MARCHF4: variants seen among roughly 807,000 people sequenced by gnomAD.
MARCHF4 encodes the protein membrane associated ring-CH-type finger 4.
A neutral mutation model predicts 43.9 loss-of-function variants in MARCHF4; 14 were observed. The observed-to-expected ratio is 0.32, with a 90% CI of 0.21 to 0.50. The LOEUF is 0.50. MARCHF4 is among the 20% of genes least tolerant of loss of function. The pLI, the probability that MARCHF4 is intolerant of heterozygous loss-of-function variation, is 0.98. For missense variants in MARCHF4, 468 were observed against 536.7 expected, an observed-to-expected ratio of 0.87 and a Z score of 1.27; for synonymous variants, 226 against 213.3, an observed-to-expected ratio of 1.06 and a Z score of -0.52.
chr2:216,283,449 AC>A, intron 2 of MARCHF4, 124 bp downstream of exon 2: 1 of 1,230,694 alleles, frequency 8.1e-7, no homozygotes, highest in Non-Finnish European at 1.1e-6. Flanking sequence ...GTGCTTGCCC[AC>A]CCAGCCCATC....
chr2:216,273,604 C>T (rs772344107), intron 3 of MARCHF4, among the ~76,000 whole-genome samples: 4 of 152,212 alleles, frequency 2.6e-5, no homozygotes, highest in Admixed American at 1.3e-4. Context: ...CTTCCTCTTC[C>T]CATTCACATT....
intron 1 of MARCHF4, among the ~76,000 whole-genome samples, chr2:216,342,349 G>C (rs1292851623): frequency 6.6e-6 from 1 of 152,146 alleles, no homozygotes; most frequent in Non-Finnish European, 1.5e-5. Context: ...GAGCCAACAG[G>C]AGAACTCATC....
chr2:216,361,486 C>T (rs1052814757), intron 1 of MARCHF4, among the ~76,000 whole-genome samples: 8 of 152,132 alleles, frequency 5.3e-5, no homozygotes, highest in African/African-American at 1.9e-4. Flanking sequence ...GCATGGTCTG[C>T]CCCTGACCTC....
intron 1 of MARCHF4, among the ~76,000 whole-genome samples, chr2:216,339,412 C>T (rs996466798): frequency 2.6e-5 from 4 of 152,248 alleles, no homozygotes; most frequent in Admixed American, 2.0e-4. Flanking sequence ...CAGGCTCCCA[C>T]TGCCTTGGCA....
intron 1 of MARCHF4, among the ~76,000 whole-genome samples, chr2:216,298,878 G>A (rs1039293634): frequency 6.6e-6 from 1 of 152,238 alleles, no homozygotes; most frequent in African/African-American, 2.4e-5. Flanking sequence ...AGACAGTCCT[G>A]GAATGGAATT....
intron 1 of MARCHF4, among the ~76,000 whole-genome samples, chr2:216,344,362 G>T (rs1317630587): frequency 6.6e-6 from 1 of 152,146 alleles, no homozygotes; most frequent in Non-Finnish European, 1.5e-5. Context: ...CGTGGGTGGA[G>T]AAGGAGAACG....
At chr2:216,322,838 G>A (rs533258196) in intron 1 of MARCHF4, among the ~76,000 whole-genome samples, 6 of 152,196 alleles carry the variant, frequency 3.9e-5, no homozygotes, top group South Asian at 4.1e-4. Context: ...AAAAAGAACC[G>A]GTCTCAAGAT....
At position 216,370,100 on chromosome 2, in the gene MARCHF4, A is replaced by G; in HGVS notation, c.161T>C (p.Leu54Pro). The change falls in exon 1 of 4, where the codon CTG becomes CCG. Residue 54 changes from leucine (L) to proline (P), a missense_variant. By Grantham distance (98) the Leu-to-Pro change is moderately conservative. This residue lies in a region of MARCHF4 where 190 missense variants were observed against 158.5 expected (regional missense o/e 1.20). Transcript: ENST00000273067. ...CAGGGGCGCTTGAGGAGGGCGCCGC[A>G]GTAAGAAAACCTTCAGGTCATTGAA... The part of the protein sequence containing the change: ...MLFNDLKVFL[L>P]RRPPQAPLPM... 1 of 1,592,074 alleles carries G rather than the reference A, an allele frequency of 6.3e-7. No individual in the cohort carries two copies. The highest frequency in any genetic ancestry group is 1.1e-5 in the South Asian group (1 of 88,030).
chr2:216,268,134 G>A lies in MARCHF4; in HGVS notation c.866-8455C>T, dbSNP rs115915827. On this transcript the variant is annotated intron_variant, in intron 3 of 3. Transcript: ENST00000273067. ...CCCAATATTGCTGGGGATGCCCCACGGTCACAAGTGTCAGCCTTTGCAAGC... is the reference window on the plus strand; with the variant it reads ...CCCAATATTGCTGGGGATGCCCCACAGTCACAAGTGTCAGCCTTTGCAAGC... Among the ~76,000 whole-genome samples, 618 of 152,254 alleles carry A rather than the reference G, an allele frequency of 4.1e-3. 4 individuals are homozygous for A. Among genetic ancestry groups the A allele is most frequent in the African/African-American group, 0.014 (599 of 41,548 alleles).
intron 3 of MARCHF4, among the ~76,000 whole-genome samples, chr2:216,265,102 T>C (rs1255936771): frequency 6.6e-6 from 1 of 151,904 alleles, no homozygotes; most frequent in East Asian, 1.9e-4. Flanking sequence ...GAAGTGGCAG[T>C]GGATAGAGAA....
At chr2:216,283,432 G>GC in intron 2 of MARCHF4, 142 bp downstream of exon 2, 5 of 908,124 alleles carry the variant, frequency 5.5e-6, no homozygotes, top group Non-Finnish European at 8.2e-6. Context: ...GCCCCACGCC[G>GC]CCCACCGTGC....
intron 1 of MARCHF4, among the ~76,000 whole-genome samples, chr2:216,294,252 C>G (rs538752475): frequency 6.6e-6 from 1 of 152,270 alleles, no homozygotes; most frequent in South Asian, 2.1e-4. Context: ...TTGCCTCTTA[C>G]GAGCAGCCTT....
At chr2:216,332,907 G>A (rs1291061299) in intron 1 of MARCHF4, among the ~76,000 whole-genome samples, 1 of 152,184 alleles carries the variant, frequency 6.6e-6, no homozygotes, top group African/African-American at 2.4e-5. Flanking sequence ...ATGGTAGGGT[G>A]GTGAGGGAAA....
At chr2:216,333,592 T>C (rs1023957398) in intron 1 of MARCHF4, among the ~76,000 whole-genome samples, 2 of 152,336 alleles carry the variant, frequency 1.3e-5, no homozygotes, top group South Asian at 4.1e-4. Flanking sequence ...CACACATGCA[T>C]GCCCCACGTC....
At chr2:216,318,656 T>C (rs1691823873) in intron 1 of MARCHF4, among the ~76,000 whole-genome samples, 3 of 152,026 alleles carry the variant, frequency 2.0e-5, no homozygotes, top group Admixed American at 2.0e-4. Context: ...AGCAGGCTGA[T>C]GTGAGAAAAG....
chr2:216,290,633 G>T (rs73064460), intron 1 of MARCHF4, among the ~76,000 whole-genome samples: 4,802 of 152,250 alleles, frequency 0.032, 260 homozygotes, highest in African/African-American at 0.11. Flanking sequence ...AATAAGGGCT[G>T]GTGTTGTGTT....
At chr2:216,298,774 T>C (rs1355913253) in intron 1 of MARCHF4, among the ~76,000 whole-genome samples, 1 of 152,178 alleles carries the variant, frequency 6.6e-6, no homozygotes, top group Non-Finnish European at 1.5e-5. Context: ...GTACAGCCTG[T>C]TTTTAACTTG....
At chr2:216,369,639 C>G in intron 1 of MARCHF4, 106 bp downstream of exon 1, 1 of 914,198 alleles carries the variant, frequency 1.1e-6, no homozygotes. Flanking sequence ...ACATAGAGTC[C>G]TCATACTAAA....
intron 3 of MARCHF4, among the ~76,000 whole-genome samples, chr2:216,266,532 A>C (rs1690847855): frequency 6.6e-6 from 1 of 152,166 alleles, no homozygotes; most frequent in Non-Finnish European, 1.5e-5. Flanking sequence ...TGCCAGAGGT[A>C]AAAAGCACTC....
Sources: gnomAD v4.1 joint callset for allele counts (sites outside exome capture counted in the v4.1 genomes callset) on GRCh38, gnomAD v4.1.1 for gene constraint, gnomAD v4.1.1 regional missense constraint, MANE v1.5 for transcripts, NCBI Gene and HGNC (gene_info 2026-07-23, HGNC 2026-07-21) for gene names.